Variants in PPFIBP2 observed in about 807,000 individuals in gnomAD.
PPFIBP2 encodes the protein PPFIB scaffold protein 2, also known as liprin-beta-2.
A neutral mutation model predicts 118.3 loss-of-function variants in PPFIBP2; 118 were observed. The observed-to-expected ratio is 1.00, with a 90% CI of 0.86 to 1.16. PPFIBP2 has a LOEUF of 1.16. Ranked by LOEUF, PPFIBP2 falls within the 50% of genes most tolerant of loss-of-function variation. The pLI is 0.00. For missense variants in PPFIBP2, 1,195 were observed against 1,073.1 expected (o/e 1.11, Z -1.59); for synonymous variants, 414 against 397.4 (o/e 1.04, Z -0.50).
chr11:7,613,307 C>G (rs1216145932), intron 6 of PPFIBP2, among the ~76,000 whole-genome samples: 2 of 152,194 alleles, frequency 1.3e-5, no homozygotes. Flanking sequence ...TGCTCCTTCT[C>G]TGATTCTGAT....
intron 3 of PPFIBP2, among the ~76,000 whole-genome samples, chr11:7,566,821 T>C (rs7104687): frequency 0.55 from 83,507 of 152,004 alleles, 24,835 homozygotes; most frequent in African/African-American, 0.79. Flanking sequence ...GTATCCACTG[T>C]TCACCAAAAT....
chr11:7,632,674 C>G, intron 11 of PPFIBP2, 193 bp from the exon 12 acceptor site: 1 of 521,652 alleles, frequency 1.9e-6, no homozygotes, highest in Admixed American at 3.0e-5. Context: ...GCAAGCTGGC[C>G]CAGATGGACT....
chr11:7,649,727 A>G, intron 21 of PPFIBP2, 73 bp downstream of exon 21: 1 of 1,582,962 alleles, frequency 6.3e-7, no homozygotes. Context: ...TGAGCAAACA[A>G]GAATGACATC....
intron 7 of PPFIBP2, among the ~76,000 whole-genome samples, chr11:7,624,441 C>A (rs1195947818): frequency 6.6e-6 from 1 of 152,206 alleles, no homozygotes; most frequent in African/African-American, 2.4e-5. Context: ...CAAGGCCTGT[C>A]CAGCAACAGA....
In PPFIBP2 at chr11:7,602,785, T is replaced by TG. The variant is rs528726720; in HGVS notation, c.486+5112_486+5113insG. On this transcript the variant is annotated intron_variant, in intron 5 of 23. Transcript: ENST00000299492. ...AGGGTTTAGGCAACTTCATTTTTTT[T>TG]ACTTTTAGGTGAGGTTGGGGAGTGA... 1.6e-4 allele frequency among the ~76,000 whole-genome samples: 24 copies of TG among 152,150 alleles called. No homozygotes were observed. The South Asian group carries it at 5.0e-3, about 32-fold the overall frequency.
At chr11:7,588,296 G>A (rs1858585262) in intron 3 of PPFIBP2, among the ~76,000 whole-genome samples, 1 of 152,128 alleles carries the variant, frequency 6.6e-6, no homozygotes, top group South Asian at 2.1e-4. Context: ...GAATCTTGCT[G>A]GTCAGTCAGT....
At chr11:7,533,704 A>G (rs1029819701) in intron 1 of PPFIBP2, among the ~76,000 whole-genome samples, 7 of 152,152 alleles carry the variant, frequency 4.6e-5, no homozygotes, top group Non-Finnish European at 7.3e-5. Context: ...GTGGGATTTG[A>G]AAGTAGAGAT....
intron 7 of PPFIBP2, among the ~76,000 whole-genome samples, chr11:7,623,648 T>C (rs900975513): frequency 2.0e-5 from 3 of 152,154 alleles, no homozygotes; most frequent in Admixed American, 6.5e-5. Context: ...CTAGATTCTC[T>C]CTTGATCGGT....
At chr11:7,547,471 A>T (rs1366964676) in intron 1 of PPFIBP2, among the ~76,000 whole-genome samples, 1 of 152,060 alleles carries the variant, frequency 6.6e-6, no homozygotes, top group Admixed American at 6.6e-5. Flanking sequence ...ATTTGGAGGG[A>T]TTATTTCAAA....
intron 3 of PPFIBP2, among the ~76,000 whole-genome samples, chr11:7,582,800 A>G (rs1353625968): frequency 6.6e-6 from 1 of 151,442 alleles, no homozygotes; most frequent in Non-Finnish European, 1.5e-5. Flanking sequence ...GTATTTCAGC[A>G]TCCTGTTTCA....
chr11:7,594,348 G>A (rs1169478943), intron 4 of PPFIBP2, among the ~76,000 whole-genome samples: 1 of 151,436 alleles, frequency 6.6e-6, no homozygotes, highest in African/African-American at 2.4e-5. Context: ...TTCCAGTTTT[G>A]TATTTTTCTT....
intron 7 of PPFIBP2, among the ~76,000 whole-genome samples, chr11:7,622,606 A>G (rs544916326): frequency 6.6e-5 from 10 of 152,384 alleles, no homozygotes; most frequent in Admixed American, 6.5e-4. Context: ...CATTTTACAG[A>G]TAATGAAATG....
chr11:7,591,109 CTTTTT>C (rs143577367), intron 3 of PPFIBP2, among the ~76,000 whole-genome samples: 3 of 151,776 alleles, frequency 2.0e-5, no homozygotes, highest in Non-Finnish European at 4.4e-5. Context: ...CTTTCTTACT[CTTTTT>C]TTTGTCAACT....
chr11:7,604,341 G>T (rs899263842), intron 5 of PPFIBP2, among the ~76,000 whole-genome samples: 2 of 152,136 alleles, frequency 1.3e-5, no homozygotes, highest in African/African-American at 2.4e-5. Flanking sequence ...TTGGTTCCAG[G>T]ACTATTTCTG....
chr11:7,638,657 C>G (rs1041125536), intron 14 of PPFIBP2, among the ~76,000 whole-genome samples: 36 of 152,192 alleles, frequency 2.4e-4, no homozygotes, highest in Middle Eastern at 3.2e-3. Context: ...ATATTACTTT[C>G]TTCAGGATCT....
Position 7,641,565 on chromosome 11 carries a change from C to T in PPFIBP2, c.1462C>T (p.Pro488Ser), listed in dbSNP as rs1299870377. 40 of 1,614,036 alleles carry T rather than the reference C, an allele frequency of 2.5e-5. No homozygotes were observed. Among genetic ancestry groups the T allele is most frequent in the Non-Finnish European group, 3.1e-5 (37 of 1,179,842 alleles). ...GGGCACTGAATCAGGTCCTCAGTCT[C>T]CTCTGACACCAGATGGTAAACGGAA... is the stretch of plus-strand genomic sequence containing the variant. ...SSGTESGPQS[P>S]LTPDGKRNPK... Residue 488 changes from proline to serine, a missense_variant, in exon 16 of 24, where the codon CCT becomes TCT. Pro to Ser is a moderately conservative substitution (Grantham distance 74). Coordinates refer to ENST00000299492, the MANE Select transcript of PPFIBP2 (RefSeq NM_003621.5).
intron 14 of PPFIBP2, among the ~76,000 whole-genome samples, chr11:7,637,393 C>T (rs11601379): frequency 0.031 from 4,793 of 152,226 alleles, 108 homozygotes; most frequent in Middle Eastern, 0.092. Flanking sequence ...ATCCACTGTC[C>T]GCTGTGTGCT....
At chr11:7,610,814 C>A (rs960628005) in intron 6 of PPFIBP2, among the ~76,000 whole-genome samples, 1 of 152,184 alleles carries the variant, frequency 6.6e-6, no homozygotes, top group Non-Finnish European at 1.5e-5. Flanking sequence ...AGTCTGGAAA[C>A]GTTTCTTGAC....
At chr11:7,617,087 C>CT (rs2135561857) in intron 6 of PPFIBP2, 1 of 984,238 alleles carries the variant, frequency 1.0e-6, no homozygotes, top group African/African-American at 1.7e-5. Context: ...GAGTGCTTTT[C>CT]TCTTCTTTCT....
Sources: gnomAD v4.1 joint callset for allele counts (sites outside exome capture counted in the v4.1 genomes callset) on GRCh38, gnomAD v4.1.1 for gene constraint, MANE v1.5 for transcripts, NCBI Gene and HGNC (gene_info 2026-07-23, HGNC 2026-07-21) for gene names.